SLC41A2: variants seen among roughly 807,000 people sequenced by gnomAD.
SLC41A2 encodes SLC41A1-like 1.
Under a neutral mutation model 58.3 loss-of-function variants are expected in SLC41A2, and 32 were observed. That is an observed-to-expected ratio of 0.55 (90% confidence interval 0.41 to 0.74). The LOEUF is 0.74. Ranked by LOEUF, SLC41A2 falls within the 30% of genes least tolerant of loss-of-function variation. The pLI, the probability that SLC41A2 is intolerant of heterozygous loss-of-function variation, is 0.00. For missense variants in SLC41A2, 514 were observed against 680.6 expected, an observed-to-expected ratio of 0.76 and a Z score of 2.72; for synonymous variants, 190 against 235.0, an observed-to-expected ratio of 0.81 and a Z score of 1.75.
At chr12:104,954,020 A>G (rs1220386842) in intron 1 of SLC41A2, among the ~76,000 whole-genome samples, 3 of 152,222 alleles carry the variant, frequency 2.0e-5, no homozygotes, top group Non-Finnish European at 2.9e-5. Flanking sequence ...ATATCCTACA[A>G]TCTTTCCTTC....
intron 6 of SLC41A2, among the ~76,000 whole-genome samples, chr12:104,873,539 T>C (rs1216995993): frequency 6.6e-6 from 1 of 152,206 alleles, no homozygotes; most frequent in African/African-American, 2.4e-5. Context: ...TTTGGATACA[T>C]ACCCAAAAGG....
chr12:104,829,551 G>A (rs1312848880), intron 10 of SLC41A2, among the ~76,000 whole-genome samples: 3 of 151,960 alleles, frequency 2.0e-5, no homozygotes, highest in African/African-American at 7.3e-5. Flanking sequence ...GTAATATTCT[G>A]TATGTTGATT....
At chr12:104,942,174 ACTCT>A (rs2047536984) in intron 1 of SLC41A2, among the ~76,000 whole-genome samples, 1 of 152,004 alleles carries the variant, frequency 6.6e-6, no homozygotes, top group Non-Finnish European at 1.5e-5. Flanking sequence ...ACACTTAATG[ACTCT>A]CTCTTACAAT....
intron 2 of SLC41A2, among the ~76,000 whole-genome samples, chr12:104,925,895 G>A (rs2046818319): frequency 6.6e-6 from 1 of 152,194 alleles, no homozygotes; most frequent in Non-Finnish European, 1.5e-5. Flanking sequence ...TCGCAGCTGT[G>A]ATACTACTAT....
chr12:104,833,349 T>C (rs1232263314), intron 10 of SLC41A2, among the ~76,000 whole-genome samples: 2 of 152,224 alleles, frequency 1.3e-5, no homozygotes, highest in Admixed American at 1.3e-4. Flanking sequence ...ACAATGGTCA[T>C]ACCCAAGTAA....
In SLC41A2 at chr12:104,933,754, A is replaced by G. The variant is rs1206991539; in HGVS notation, c.-167-5060T>C. On this transcript the variant is annotated intron_variant, in intron 1 of 10. Transcript: ENST00000258538. Reference sequence around the variant, plus strand: ...TGCTCAGCCATAAAAAAGAAAAAATAATGTCTTTTGCAGCAACTTGGATGG... The same window carrying G: ...TGCTCAGCCATAAAAAAGAAAAAATGATGTCTTTTGCAGCAACTTGGATGG... Among the ~76,000 whole-genome samples, 9 of 151,400 alleles carry G rather than the reference A, an allele frequency of 5.9e-5. No homozygotes were observed. In the South Asian group the frequency reaches 1.9e-3, roughly 32 times the overall value.
At chr12:104,936,988 G>A (rs1444586995) in intron 1 of SLC41A2, among the ~76,000 whole-genome samples, 2 of 152,218 alleles carry the variant, frequency 1.3e-5, no homozygotes, top group Non-Finnish European at 2.9e-5. Context: ...GCTTATGCCT[G>A]TAATCCCAAC....
chr12:104,911,316 C>T (rs1202011447), intron 2 of SLC41A2, among the ~76,000 whole-genome samples: 2 of 152,140 alleles, frequency 1.3e-5, no homozygotes, highest in Non-Finnish European at 2.9e-5. Flanking sequence ...TATCACAGGT[C>T]ATGATCCGTA....
chr12:104,831,121 T>C (rs1410946651), intron 10 of SLC41A2, among the ~76,000 whole-genome samples: 1 of 152,132 alleles, frequency 6.6e-6, no homozygotes, highest in Non-Finnish European at 1.5e-5. Context: ...ACCAGGGTGG[T>C]CTTGAACTCC....
intron 1 of SLC41A2, among the ~76,000 whole-genome samples, chr12:104,947,386 T>G (rs548746313): frequency 4.8e-4 from 73 of 151,822 alleles, no homozygotes; most frequent in Non-Finnish European, 8.5e-4. Flanking sequence ...GTATTTTTAG[T>G]AGAGACAAAG....
At chr12:104,822,373 C>T (rs951224709) in intron 10 of SLC41A2, among the ~76,000 whole-genome samples, 10 of 152,044 alleles carry the variant, frequency 6.6e-5, no homozygotes, top group Admixed American at 5.9e-4. Context: ...CTGCAGGTTG[C>T]CCAGCAAAAC....
intron 4 of SLC41A2, 66 bp downstream of exon 4, chr12:104,895,208 A>G: frequency 9.5e-6 from 11 of 1,159,658 alleles, no homozygotes; most frequent in Non-Finnish European, 1.3e-5. Flanking sequence ...AATTTACACC[A>G]ATCTTATAGA....
At chr12:104,859,571 A>T (rs1386224547) in intron 8 of SLC41A2, among the ~76,000 whole-genome samples, 1 of 152,162 alleles carries the variant, frequency 6.6e-6, no homozygotes, top group Non-Finnish European at 1.5e-5. Flanking sequence ...TGTGTGGGTG[A>T]CGGGGAGAAT....
chr12:104,836,211 G>A (rs1565826880), intron 10 of SLC41A2, among the ~76,000 whole-genome samples: 1 of 152,110 alleles, frequency 6.6e-6, no homozygotes, highest in Non-Finnish European at 1.5e-5. Flanking sequence ...CTTGCTGTGT[G>A]GACTTGGACA....
At chr12:104,940,069 A>G (rs865869116) in intron 1 of SLC41A2, among the ~76,000 whole-genome samples, 8 of 151,794 alleles carry the variant, frequency 5.3e-5, no homozygotes, top group African/African-American at 1.9e-4. Flanking sequence ...GCTGGAGTGC[A>G]ACGGCGTGAT....
chr12:104,803,659 C>G lies in SLC41A2; in HGVS notation c.*1493G>C, dbSNP rs974462640. 2 of 151,766 alleles carry G rather than the reference C, an allele frequency of 1.3e-5. No individual in the cohort carries two copies. The highest frequency in any genetic ancestry group is 4.8e-5 in the African/African-American group (2 of 41,304). 9.4% of individuals were successfully genotyped at this position (151,766 alleles called of 1,614,324 possible). Reference sequence around the variant, plus strand: ...AGAGATTGAATTTTAAAAAATGAACCACATGTACTTTAAAAATGGTTACCT... The same window carrying G: ...AGAGATTGAATTTTAAAAAATGAACGACATGTACTTTAAAAATGGTTACCT... On this transcript the variant is annotated 3_prime_UTR_variant, in exon 11 of 11. Coordinates refer to ENST00000258538, the MANE Select transcript of SLC41A2 (RefSeq NM_001352171.3).
At chr12:104,946,263 T>A (rs2135963570) in intron 1 of SLC41A2, among the ~76,000 whole-genome samples, 1 of 152,244 alleles carries the variant, frequency 6.6e-6, no homozygotes, top group East Asian at 1.9e-4. Context: ...AGGCACTTTC[T>A]TTTTCTTTCT....
At position 104,952,155 on chromosome 12, in the gene SLC41A2, C is replaced by A. The variant is rs78587672; in HGVS notation, c.-168+5933G>T. 5.3e-3 allele frequency among the ~76,000 whole-genome samples: 801 copies of A among 152,264 alleles called. 10 individuals are homozygous for A. The highest frequency in any genetic ancestry group is 0.018 in the African/African-American group (758 of 41,570). ...TGAAAACTTTTTCTTTGTCCCAAAG[C>A]AGACATTACCAGAAACAGCAACGTC... On this transcript the variant is annotated intron_variant, in intron 1 of 10. Transcript: ENST00000258538.
intron 8 of SLC41A2, among the ~76,000 whole-genome samples, chr12:104,853,275 C>T (rs2042866990): frequency 6.6e-6 from 1 of 152,206 alleles, no homozygotes; most frequent in South Asian, 2.1e-4. Context: ...TTGCACATTC[C>T]GAAGGAAACC....
Sources: allele counts gnomAD v4.1 joint callset (sites outside exome capture counted in the v4.1 genomes callset), GRCh38; gene constraint gnomAD v4.1.1; transcripts MANE v1.5; gene names NCBI Gene and HGNC (gene_info 2026-07-23, HGNC 2026-07-21).